The following POLA1 variants were observed in gnomAD, a reference collection of about 807,000 sequenced individuals.
POLA1 encodes the protein DNA polymerase alpha catalytic subunit.
POLA1 carries 15 observed loss-of-function variants against 124.0 expected under a neutral mutation model. The ratio of observed to expected loss-of-function variants is 0.12; its 90% CI spans 0.08 to 0.19. The LOEUF is 0.19. POLA1 is among the 10% of genes least tolerant of loss of function. The pLI, the probability that POLA1 is intolerant of heterozygous loss-of-function variation, is 1.00. For synonymous variants in POLA1, 408 were observed against 389.4 expected (o/e 1.05, Z -0.56); for missense variants, 886 against 1,103.4 (o/e 0.80, Z 2.79).
chrX:24,833,562 A>G (rs1246337964), intron 32 of POLA1, among the ~76,000 whole-genome samples: 1 of 109,281 alleles, frequency 9.2e-6, no homozygotes, highest in Non-Finnish European at 1.9e-5. Flanking sequence ...ACCAACATCT[A>G]TTTTTTTTTA....
intron 36 of POLA1, among the ~76,000 whole-genome samples, chrX:24,981,834 A>G (rs774775425): frequency 4.3e-4 from 48 of 112,520 alleles, no homozygotes; most frequent in Admixed American, 1.4e-3. Flanking sequence ...TTGCTTCATC[A>G]GAACAATAGA....
chrX:24,922,391 T>A (rs994422529), intron 35 of POLA1, among the ~76,000 whole-genome samples: 1 of 110,845 alleles, frequency 9.0e-6, no homozygotes, highest in Non-Finnish European at 1.9e-5. Context: ...GGCCCCATTT[T>A]TTCCAAATAA....
At chrX:24,738,345 G>T (rs1206554508) in intron 19 of POLA1, among the ~76,000 whole-genome samples, 1 of 110,765 alleles carries the variant, frequency 9.0e-6, no homozygotes, top group Non-Finnish European at 1.9e-5. Flanking sequence ...TGAAGTGATA[G>T]CCCTTAGGGC....
At chrX:24,986,476 A>G (rs2048482776) in intron 36 of POLA1, among the ~76,000 whole-genome samples, 1 of 110,404 alleles carries the variant, frequency 9.1e-6, no homozygotes, top group South Asian at 3.9e-4. Flanking sequence ...CTTTAAATAT[A>G]TATATATATA....
Position 24,933,111 on chromosome X carries a change from A to T in POLA1, c.4261+2562A>T, listed in dbSNP as rs749715590. ...TATAATTTTTTGAAAATTCCCCCAG[A>T]TAATTCTGCCGTGCAGCCAAGTTTG... On this transcript the variant is annotated intron_variant, in intron 36 of 36. Coordinates refer to ENST00000379068, the MANE Select transcript of POLA1 (RefSeq NM_001330360.2). Among the ~76,000 whole-genome samples the T allele has an allele frequency of 1.7e-4, 19 of 111,889 alleles. No individual in the cohort carries two copies. In the South Asian group the frequency reaches 5.7e-3, roughly 33 times the overall value.
intron 30 of POLA1, among the ~76,000 whole-genome samples, chrX:24,820,748 G>C (rs1404152745): frequency 4.6e-5 from 5 of 107,702 alleles, no homozygotes; most frequent in African/African-American, 1.7e-4. Context: ...GGAGGGTAGA[G>C]AGTCTTCCAC....
At chrX:24,821,072 T>A (rs1368358846) in intron 30 of POLA1, among the ~76,000 whole-genome samples, 1 of 112,051 alleles carries the variant, frequency 8.9e-6, no homozygotes, top group Non-Finnish European at 1.9e-5. Context: ...TGAGAAACAA[T>A]CATTAAGTCA....
At chrX:24,758,273 T>G (rs1004639501) in intron 26 of POLA1, among the ~76,000 whole-genome samples, 2 of 111,744 alleles carry the variant, frequency 1.8e-5, no homozygotes, top group African/African-American at 3.2e-5. Context: ...TATAATCTAT[T>G]ATAACAGTGT....
intron 36 of POLA1, among the ~76,000 whole-genome samples, chrX:24,984,805 G>A (rs1250248326): frequency 1.8e-5 from 2 of 108,719 alleles, no homozygotes; most frequent in Non-Finnish European, 3.8e-5. Flanking sequence ...GACTACAGGC[G>A]CCCGCCACTA....
chrX:24,749,021 T>C, intron 26 of POLA1, 29 bp downstream of exon 26: 3 of 1,110,791 alleles, frequency 2.7e-6, no homozygotes, highest in Non-Finnish European at 3.7e-6. Context: ...TTCACATCTC[T>C]AGATATGAGA....
chrX:24,853,341 A>G (rs2046590065), intron 34 of POLA1, among the ~76,000 whole-genome samples: 2 of 111,791 alleles, frequency 1.8e-5, no homozygotes, highest in South Asian at 7.5e-4. Flanking sequence ...ATGGTTTCTT[A>G]AAGGTTATTT....
intron 26 of POLA1, among the ~76,000 whole-genome samples, chrX:24,790,905 GTATATGTA>G (rs1300258812): frequency 4.7e-4 from 30 of 63,549 alleles, no homozygotes; most frequent in African/African-American, 1.5e-3. Context: ...ATTTATTTAT[GTATATGTA>G]TATATATATA....
rs866445772 is a variant in POLA1 at position 24,851,293 on chromosome X, G to A, written c.4047+7616G>A. ...ATTGAATGAGTTCACGATGTCCTGAGAGGTTGGTGCTATCAAGTGACTCTC... is the reference window on the plus strand; with the variant it reads ...ATTGAATGAGTTCACGATGTCCTGAAAGGTTGGTGCTATCAAGTGACTCTC... On this transcript the variant is annotated intron_variant, in intron 34 of 36. Coordinates refer to ENST00000379068, the MANE Select transcript of POLA1 (RefSeq NM_001330360.2). Among the ~76,000 whole-genome samples, 127 of 112,507 alleles carry A rather than the reference G, an allele frequency of 1.1e-3. 1 individual carries two copies. The highest frequency in any genetic ancestry group is 3.9e-3 in the African/African-American group (120 of 30,938).
chrX:24,699,331 A>T, intron 1 of POLA1, 94 bp from the exon 2 acceptor site: 1 of 641,995 alleles, frequency 1.6e-6, no homozygotes, highest in East Asian at 3.6e-5. Context: ...CTAAAATTGT[A>T]TGTTATTGTT....
chrX:24,876,048 G>A (rs1601826882), intron 34 of POLA1, among the ~76,000 whole-genome samples: 1 of 111,579 alleles, frequency 9.0e-6, no homozygotes, highest in South Asian at 3.7e-4. Flanking sequence ...TTTTCTAATC[G>A]TATTTATTAT....
intron 27 of POLA1, among the ~76,000 whole-genome samples, chrX:24,810,273 AT>A (rs2045876662): frequency 2.7e-5 from 3 of 111,872 alleles, no homozygotes; most frequent in Non-Finnish European, 5.6e-5. Context: ...TTGCAACTGT[AT>A]TAAGAATTTA....
At chrX:24,781,901 A>G (rs2148453615) in intron 26 of POLA1, among the ~76,000 whole-genome samples, 1 of 112,114 alleles carries the variant, frequency 8.9e-6, no homozygotes, top group Non-Finnish European at 1.9e-5. Context: ...CAATTTTAGT[A>G]TATATTGTAA....
At chrX:24,985,863 T>C in intron 36 of POLA1, among the ~76,000 whole-genome samples, 1 of 112,152 alleles carries the variant, frequency 8.9e-6, no homozygotes, top group African/African-American at 3.2e-5. Context: ...AAGCATCCAG[T>C]CTTTTCTCTA....
intron 1 of POLA1, 40 bp from the exon 2 acceptor site, chrX:24,699,385 A>G (rs1928252026): frequency 9.1e-7 from 1 of 1,097,276 alleles, no homozygotes; most frequent in African/African-American, 1.9e-5. Context: ...ATGGCTGACA[A>G]TTTTGTAACA....
Sources: allele counts gnomAD v4.1 joint callset (sites outside exome capture counted in the v4.1 genomes callset), GRCh38; gene constraint gnomAD v4.1.1; transcripts MANE v1.5; gene names NCBI Gene and HGNC (gene_info 2026-07-23, HGNC 2026-07-21).